Variants in SMAD3 observed in about 807,000 individuals in gnomAD.
SMAD3 encodes MAD homolog 3.
In SMAD3, 12 loss-of-function variants were observed where a neutral mutation model predicts 51.8. That is an observed-to-expected ratio of 0.23 (90% CI 0.15 to 0.38). SMAD3 has a LOEUF of 0.38. Among genes scored for constraint, SMAD3 ranks in the 10% least tolerant of loss-of-function variants. SMAD3 has a pLI of 1.00. For synonymous variants in SMAD3, 238 were observed against 227.7 expected (o/e 1.05, Z -0.41); for missense variants, 294 against 565.6 (o/e 0.52, Z 4.87).
intron 1 of SMAD3, among the ~76,000 whole-genome samples, chr15:67,113,876 C>T (rs149198471): frequency 7.2e-4 from 109 of 152,284 alleles, no homozygotes; most frequent in African/African-American, 2.5e-3. Context: ...CCCTGTAGTG[C>T]TTAGGACAAA....
chr15:67,185,010 A>T (rs1963186268), intron 7 of SMAD3, 146 bp downstream of exon 7: 4 of 1,054,254 alleles, frequency 3.8e-6, no homozygotes, highest in Admixed American at 1.9e-5. Flanking sequence ...GGTTTTCTCT[A>T]TGCCCACAGA....
chr15:67,123,671 G>A (rs556811411), intron 1 of SMAD3, among the ~76,000 whole-genome samples: 1 of 152,196 alleles, frequency 6.6e-6, no homozygotes, highest in Non-Finnish European at 1.5e-5. Flanking sequence ...AGATAGACGG[G>A]ATGCCCCAAA....
chr15:67,144,986 G>C (rs1460359902), intron 1 of SMAD3, among the ~76,000 whole-genome samples: 2 of 152,168 alleles, frequency 1.3e-5, no homozygotes, highest in African/African-American at 4.8e-5. Flanking sequence ...CGCACAGGGA[G>C]GGGTTGGGGG....
chr15:67,107,753 A>G lies in SMAD3; in HGVS notation c.206+41393A>G, dbSNP rs1490327209. ...CCTCACCCTTCCCTTCCATAGGGAT[A>G]TGGCCTGATAGAGGAGGAGCCATTT... On this transcript the variant is annotated intron_variant, in intron 1 of 8. Coordinates refer to ENST00000327367, the MANE Select transcript of SMAD3 (RefSeq NM_005902.4). 2.0e-5 allele frequency among the ~76,000 whole-genome samples: 3 copies of G among 152,090 alleles called. No individual in the cohort carries two copies. In the East Asian group the frequency reaches 5.8e-4, roughly 29 times the overall value.
intron 1 of SMAD3, among the ~76,000 whole-genome samples, chr15:67,093,840 C>A (rs1429470262): frequency 6.6e-6 from 1 of 152,194 alleles, no homozygotes; most frequent in Non-Finnish European, 1.5e-5. Flanking sequence ...GCCTCTTGGG[C>A]CAATGAGAGG....
In SMAD3 at chr15:67,126,142, A is replaced by G. The variant is rs571893870; in HGVS notation, c.207-38753A>G. Among the ~76,000 whole-genome samples, 5 of 152,228 alleles carry G rather than the reference A, an allele frequency of 3.3e-5. No homozygotes were observed. In the South Asian group the frequency reaches 8.3e-4, roughly 25 times the overall value. On this transcript the variant is annotated intron_variant, in intron 1 of 8. Transcript: ENST00000327367. ...TTCATCTTACCAGCAGTCGTGTTTG[A>G]GAATGTGCACAGCTCACCTTCGTTC...
At chr15:67,131,377 CGTTGA>C (rs1322615179) in intron 1 of SMAD3, among the ~76,000 whole-genome samples, 16 of 152,154 alleles carry the variant, frequency 1.1e-4, no homozygotes, top group Admixed American at 7.2e-4. Flanking sequence ...AGGAGATAGT[CGTTGA>C]GTTGTTTCTA....
chr15:67,130,344 C>T (rs1595917415), intron 1 of SMAD3, among the ~76,000 whole-genome samples: 1 of 152,152 alleles, frequency 6.6e-6, no homozygotes, highest in Non-Finnish European at 1.5e-5. Flanking sequence ...TCCCCAACCC[C>T]GGGGCCGTGG....
At chr15:67,144,637 T>G (rs2140269465) in intron 1 of SMAD3, among the ~76,000 whole-genome samples, 1 of 152,304 alleles carries the variant, frequency 6.6e-6, no homozygotes, top group East Asian at 1.9e-4. Flanking sequence ...GTTGATGTGT[T>G]CAGGAGGGCC....
Position 67,195,065 on chromosome 15 carries a change from C to T in SMAD3, c.*4529C>T, listed in dbSNP as rs1196743643. 1 of 233,382 alleles carries T rather than the reference C, an allele frequency of 4.3e-6. No homozygotes were observed. Among genetic ancestry groups the T allele is most frequent in the Non-Finnish European group, 8.5e-6 (1 of 117,852 alleles). 14.5% of individuals were successfully genotyped at this position (233,382 alleles called of 1,614,324 possible). ...TTTTCTAACTTTTATATCTTAAAAG[C>T]AGAGCACCTGTTTAAGCATTGTACC... On this transcript the variant is annotated 3_prime_UTR_variant, in exon 9 of 9. Transcript: ENST00000327367.
At chr15:67,113,465 A>G (rs1014154699) in intron 1 of SMAD3, among the ~76,000 whole-genome samples, 16 of 152,204 alleles carry the variant, frequency 1.1e-4, no homozygotes, top group Non-Finnish European at 5.9e-5. Context: ...AATAATTACA[A>G]TAGTAAATAC....
At chr15:67,138,702 A>C (rs535636817) in intron 1 of SMAD3, among the ~76,000 whole-genome samples, 233 of 152,288 alleles carry the variant, frequency 1.5e-3, no homozygotes, top group Non-Finnish European at 2.5e-3. Context: ...TATACAAGCC[A>C]TGCCAGGCAT....
chr15:67,067,214 C>G (rs1249042656), intron 1 of SMAD3, among the ~76,000 whole-genome samples: 3 of 152,296 alleles, frequency 2.0e-5, no homozygotes, highest in African/African-American at 7.2e-5. Flanking sequence ...TCCTGTAGAG[C>G]CTTCCTTCCC....
chr15:67,180,645 G>T (rs1267117567), intron 5 of SMAD3, among the ~76,000 whole-genome samples: 1 of 151,780 alleles, frequency 6.6e-6, no homozygotes, highest in Non-Finnish European at 1.5e-5. Flanking sequence ...ATGGGGCGCT[G>T]TTGGGAACCC....
At chr15:67,093,472 C>T (rs898105605) in intron 1 of SMAD3, among the ~76,000 whole-genome samples, 1 of 152,162 alleles carries the variant, frequency 6.6e-6, no homozygotes, top group African/African-American at 2.4e-5. Flanking sequence ...CTGTCACGCT[C>T]CTGGCATCAG....
intron 1 of SMAD3, among the ~76,000 whole-genome samples, chr15:67,067,706 AT>A (rs1294365115): frequency 1.3e-5 from 2 of 152,014 alleles, no homozygotes; most frequent in Non-Finnish European, 2.9e-5. Flanking sequence ...GCGGACTTAA[AT>A]TTTTTTTAAC....
intron 1 of SMAD3, among the ~76,000 whole-genome samples, chr15:67,128,679 G>A (rs557074098): frequency 6.6e-6 from 1 of 151,930 alleles, no homozygotes; most frequent in Non-Finnish European, 1.5e-5. Flanking sequence ...TCAAGAGATC[G>A]TCCCACCTCA....
At chr15:67,152,602 G>A (rs1293755604) in intron 1 of SMAD3, among the ~76,000 whole-genome samples, 1 of 152,144 alleles carries the variant, frequency 6.6e-6, no homozygotes, top group Admixed American at 6.5e-5. Context: ...TATGCTGAAT[G>A]GGTCCATGAG....
At chr15:67,181,172 T>C in intron 5 of SMAD3, 69 bp from the exon 6 acceptor site, 1 of 1,167,668 alleles carries the variant, frequency 8.6e-7, no homozygotes, top group South Asian at 1.3e-5. Flanking sequence ...AGAGTGTCCA[T>C]GGGACCCCAT....
Sources: gnomAD v4.1 joint callset for allele counts (sites outside exome capture counted in the v4.1 genomes callset) on GRCh38, gnomAD v4.1.1 for gene constraint, MANE v1.5 for transcripts, NCBI Gene and HGNC (gene_info 2026-07-23, HGNC 2026-07-21) for gene names.